Variants in DNM3 observed in about 807,000 individuals in gnomAD.
DNM3 encodes dynamin 3.
In DNM3, 47 loss-of-function variants were observed where a neutral mutation model predicts 101.6. The observed-to-expected ratio is 0.46, with a 90% CI of 0.37 to 0.59. The LOEUF is 0.59. Ranked by LOEUF, DNM3 falls within the 20% of genes least tolerant of loss-of-function variation. DNM3 has a pLI of 0.00. For synonymous variants in DNM3, 385 were observed against 387.9 expected (o/e 0.99, Z 0.09); for missense variants, 849 against 1,085.7 (o/e 0.78, Z 3.06).
chr1:172,215,863 T>C (rs2060676535), intron 14 of DNM3, among the ~76,000 whole-genome samples: 1 of 151,908 alleles, frequency 6.6e-6, no homozygotes, highest in East Asian at 1.9e-4. Context: ...TTTAAGCAGA[T>C]TTGGCTCTTA....
intron 15 of DNM3, among the ~76,000 whole-genome samples, chr1:172,278,729 T>C (rs2063380878): frequency 6.6e-6 from 1 of 152,154 alleles, no homozygotes; most frequent in Non-Finnish European, 1.5e-5. Context: ...ACTCAGCCAG[T>C]GTCTCATTGT....
Position 172,303,107 on chromosome 1 carries a change from C to T in DNM3, c.1770-5621C>T, listed in dbSNP as rs548792701. Among the ~76,000 whole-genome samples the T allele has an allele frequency of 2.6e-5, 4 of 152,122 alleles. No individual in the cohort carries two copies. In the East Asian group the frequency reaches 7.7e-4, roughly 29 times the overall value. On this transcript the variant is annotated intron_variant, in intron 15 of 20. Coordinates refer to ENST00000627582, the MANE Select transcript of DNM3 (RefSeq NM_015569.5). ...CCAAGCAAAAGGAGCATGTTCTAAC[C>T]CATTGCAAGGAAGCTAAAAACCTTG...
At chr1:172,335,431 T>C (rs1313783501) in intron 17 of DNM3, among the ~76,000 whole-genome samples, 1 of 152,142 alleles carries the variant, frequency 6.6e-6, no homozygotes, top group Non-Finnish European at 1.5e-5. Flanking sequence ...TGATGAATTA[T>C]AGAAGTATAA....
chr1:171,996,120 TTATTC>T (rs2045979649), intron 4 of DNM3, among the ~76,000 whole-genome samples: 1 of 152,156 alleles, frequency 6.6e-6, no homozygotes, highest in Non-Finnish European at 1.5e-5. Flanking sequence ...TCACATGAAA[TTATTC>T]TTTCAGTATA....
chr1:172,056,440 C>T (rs1284403666), intron 10 of DNM3, among the ~76,000 whole-genome samples: 2 of 152,150 alleles, frequency 1.3e-5, no homozygotes, highest in Admixed American at 6.5e-5. Context: ...CTTAAATGTC[C>T]CTGTCTGACA....
chr1:172,128,745 A>G (rs929113013), intron 13 of DNM3, among the ~76,000 whole-genome samples: 1 of 152,200 alleles, frequency 6.6e-6, no homozygotes, highest in South Asian at 2.1e-4. Context: ...CGGCTACACT[A>G]TCACCTACTT....
At chr1:171,909,691 T>A (rs1389433838) in intron 1 of DNM3, among the ~76,000 whole-genome samples, 1 of 152,190 alleles carries the variant, frequency 6.6e-6, no homozygotes, top group Non-Finnish European at 1.5e-5. Flanking sequence ...TTGTATGTAG[T>A]TTGTGCTGTC....
intron 15 of DNM3, among the ~76,000 whole-genome samples, chr1:172,294,603 A>G (rs1165638341): frequency 6.6e-6 from 1 of 152,164 alleles, no homozygotes; most frequent in Admixed American, 6.5e-5. Context: ...AAATGAGATT[A>G]TTTATCTTTT....
intron 14 of DNM3, among the ~76,000 whole-genome samples, chr1:172,193,225 G>T (rs191382549): frequency 3.9e-5 from 6 of 152,144 alleles, no homozygotes; most frequent in African/African-American, 4.8e-5. Flanking sequence ...AAGTGGGGGT[G>T]GATAAGCTTT....
chr1:172,099,769 TCA>T (rs2054504074), intron 13 of DNM3, among the ~76,000 whole-genome samples: 1 of 152,190 alleles, frequency 6.6e-6, no homozygotes, highest in African/African-American at 2.4e-5. Context: ...CACCTGAAAG[TCA>T]GAGATGTTAT....
intron 11 of DNM3, among the ~76,000 whole-genome samples, chr1:172,080,066 C>T (rs2125983715): frequency 6.6e-6 from 1 of 152,326 alleles, no homozygotes; most frequent in African/African-American, 2.4e-5. Flanking sequence ...TTGATCCCTG[C>T]TGGAAGGTGT....
intron 20 of DNM3, 98 bp downstream of exon 20, chr1:172,388,907 CT>C: frequency 9.5e-7 from 1 of 1,056,334 alleles, no homozygotes; most frequent in Non-Finnish European, 1.4e-6. Flanking sequence ...TTGCAAAGAT[CT>C]TATCGTACGT....
chr1:172,102,072 T>C (rs1003965824), intron 13 of DNM3, among the ~76,000 whole-genome samples: 9 of 152,106 alleles, frequency 5.9e-5, no homozygotes, highest in Non-Finnish European at 1.3e-4. Flanking sequence ...TTGGCCAGGC[T>C]GGTCTTGAAC....
intron 12 of DNM3, among the ~76,000 whole-genome samples, chr1:172,089,862 C>A (rs2053787313): frequency 6.6e-6 from 1 of 152,088 alleles, no homozygotes; most frequent in Non-Finnish European, 1.5e-5. Flanking sequence ...AATATTGGAC[C>A]TAAAAGGAAC....
At chr1:172,341,843 G>A (rs998997702) in intron 17 of DNM3, among the ~76,000 whole-genome samples, 5 of 152,020 alleles carry the variant, frequency 3.3e-5, no homozygotes, top group Non-Finnish European at 5.9e-5. Flanking sequence ...TGACGAAGAC[G>A]CCAAAAGCAA....
chr1:171,848,185 C>T (rs1345822800), intron 1 of DNM3, among the ~76,000 whole-genome samples: 2 of 152,136 alleles, frequency 1.3e-5, no homozygotes, highest in Non-Finnish European at 2.9e-5. Flanking sequence ...CACCTCCCTC[C>T]AACCCTCACC....
At chr1:172,153,185 T>C (rs1394522166) in intron 14 of DNM3, among the ~76,000 whole-genome samples, 3 of 152,174 alleles carry the variant, frequency 2.0e-5, no homozygotes, top group African/African-American at 7.2e-5. Flanking sequence ...TAAAGAAAGA[T>C]ACCTACCTCA....
intron 2 of DNM3, among the ~76,000 whole-genome samples, chr1:171,946,039 G>A (rs2042154301): frequency 1.3e-5 from 2 of 152,146 alleles, no homozygotes; most frequent in East Asian, 3.9e-4. Flanking sequence ...GATCTTGCAA[G>A]ACCTGCAGTT....
intron 16 of DNM3, among the ~76,000 whole-genome samples, chr1:172,313,908 T>C (rs2065189612): frequency 6.6e-6 from 1 of 152,104 alleles, no homozygotes; most frequent in South Asian, 2.1e-4. Flanking sequence ...CAACCAGTCA[T>C]CTACATTACA....
Sources: gnomAD v4.1 joint callset for allele counts (sites outside exome capture counted in the v4.1 genomes callset) on GRCh38, gnomAD v4.1.1 for gene constraint, MANE v1.5 for transcripts, NCBI Gene and HGNC (gene_info 2026-07-23, HGNC 2026-07-21) for gene names.